Variants in LDB2 observed in about 807,000 individuals in gnomAD.
The protein encoded by LDB2 is LIM domain binding 2, also known as LIM domain-binding protein 2.
LDB2 carries 12 observed loss-of-function variants against 44.3 expected under a neutral mutation model. The ratio of observed to expected loss-of-function variants is 0.27; its 90% CI spans 0.17 to 0.44. The LOEUF (loss-of-function observed/expected upper bound fraction) is 0.44, where lower values mean the gene tolerates loss of function less well. LDB2 is among the 20% of genes least tolerant of loss of function. LDB2 has a pLI of 1.00. For missense variants in LDB2, 344 were observed against 473.5 expected, an observed-to-expected ratio of 0.73 and a Z score of 2.54; for synonymous variants, 164 against 174.8, an observed-to-expected ratio of 0.94 and a Z score of 0.49.
At chr4:16,753,702 C>T (rs1424388999) in intron 2 of LDB2, among the ~76,000 whole-genome samples, 1 of 152,132 alleles carries the variant, frequency 6.6e-6, no homozygotes, top group East Asian at 1.9e-4. Context: ...TGTGTGTGGT[C>T]TCTCTGGAAA....
chr4:16,808,058 C>T (rs1488617990), intron 1 of LDB2, among the ~76,000 whole-genome samples: 1 of 151,920 alleles, frequency 6.6e-6, no homozygotes, highest in Non-Finnish European at 1.5e-5. Flanking sequence ...AGAGAATGTA[C>T]ACCTTTACAC....
At chr4:16,697,434 C>A (rs1320516657) in intron 2 of LDB2, among the ~76,000 whole-genome samples, 1 of 151,846 alleles carries the variant, frequency 6.6e-6, no homozygotes, top group Admixed American at 6.6e-5. Context: ...TGCACTCCAG[C>A]CTGGGCGACA....
chr4:16,844,798 A>T (rs1438020771), intron 1 of LDB2, among the ~76,000 whole-genome samples: 2 of 152,184 alleles, frequency 1.3e-5, no homozygotes, highest in Non-Finnish European at 2.9e-5. Context: ...CCCTGAAAAC[A>T]TTGCTTTTCC....
intron 2 of LDB2, among the ~76,000 whole-genome samples, chr4:16,689,347 C>T (rs529940775): frequency 1.4e-3 from 214 of 152,276 alleles, no homozygotes; most frequent in African/African-American, 4.9e-3. Context: ...AAATTCCTAC[C>T]GATTCCTTAA....
chr4:16,527,815 C>CA (rs1728750115), intron 5 of LDB2, among the ~76,000 whole-genome samples: 1 of 151,112 alleles, frequency 6.6e-6, no homozygotes, highest in Non-Finnish European at 1.5e-5. Context: ...CTCACACACA[C>CA]AAAATGATTA....
intron 2 of LDB2, among the ~76,000 whole-genome samples, chr4:16,606,203 C>T (rs556196535): frequency 5.1e-4 from 78 of 152,244 alleles, no homozygotes; most frequent in African/African-American, 1.8e-3. Flanking sequence ...CAATAATACG[C>T]TTTCAGCTTT....
chr4:16,684,195 T>C (rs893240367), intron 2 of LDB2, among the ~76,000 whole-genome samples: 1 of 152,210 alleles, frequency 6.6e-6, no homozygotes, highest in Non-Finnish European at 1.5e-5. Context: ...AACTTTTACA[T>C]CAGCAACTAA....
chr4:16,716,459 G>T (rs749387261), intron 2 of LDB2, among the ~76,000 whole-genome samples: 11 of 152,210 alleles, frequency 7.2e-5, no homozygotes, highest in Non-Finnish European at 1.3e-4. Context: ...AGGCTCTGAT[G>T]TGGGAGCTAT....
intron 5 of LDB2, among the ~76,000 whole-genome samples, chr4:16,568,533 G>C (rs187436045): frequency 1.3e-5 from 2 of 152,052 alleles, no homozygotes; most frequent in African/African-American, 4.8e-5. Flanking sequence ...AACCCATCCC[G>C]AAACCCATTT....
chr4:16,726,346 A>G (rs914809553), intron 2 of LDB2: 1 of 152,210 alleles, frequency 6.6e-6, no homozygotes, highest in African/African-American at 2.4e-5. Flanking sequence ...TCTGAATACC[A>G]ATGATAAATC....
At chr4:16,829,213 C>T (rs1274559764) in intron 1 of LDB2, among the ~76,000 whole-genome samples, 2 of 152,134 alleles carry the variant, frequency 1.3e-5, no homozygotes, top group African/African-American at 4.8e-5. Flanking sequence ...TGCTCACTGG[C>T]TACCCAGTCA....
intron 2 of LDB2, among the ~76,000 whole-genome samples, chr4:16,754,247 A>C (rs1766043604): frequency 1.3e-5 from 2 of 152,212 alleles, no homozygotes; most frequent in Admixed American, 1.3e-4. Flanking sequence ...TGTTGGGAGC[A>C]GAGCCTAATC....
intron 2 of LDB2, among the ~76,000 whole-genome samples, chr4:16,623,957 A>G (rs1412848793): frequency 6.6e-6 from 1 of 152,192 alleles, no homozygotes; most frequent in Non-Finnish European, 1.5e-5. Flanking sequence ...CAGAGATCCT[A>G]CCACAACTAC....
At chr4:16,810,892 C>T (rs1318664628) in intron 1 of LDB2, among the ~76,000 whole-genome samples, 1 of 152,184 alleles carries the variant, frequency 6.6e-6, no homozygotes, top group Admixed American at 6.5e-5. Context: ...TCAGTTATAG[C>T]AACAGTCCCC....
chr4:16,779,764 G>A (rs1772757733), intron 1 of LDB2, among the ~76,000 whole-genome samples: 2 of 152,182 alleles, frequency 1.3e-5, no homozygotes, highest in Non-Finnish European at 2.9e-5. Flanking sequence ...ATGCAGTGCT[G>A]CTGTCCAAGT....
At chr4:16,851,743 TA>T (rs36037309) in intron 1 of LDB2, among the ~76,000 whole-genome samples, 20,008 of 152,140 alleles carry the variant, frequency 0.13, 1,440 homozygotes, top group Middle Eastern at 0.2. Flanking sequence ...CAAACTGTCT[TA>T]AGAGCAAACA....
At chr4:16,542,150 A>G (rs1015845625) in intron 5 of LDB2, among the ~76,000 whole-genome samples, 4 of 150,078 alleles carry the variant, frequency 2.7e-5, no homozygotes, top group Non-Finnish European at 5.9e-5. Context: ...GTACCCTAGA[A>G]GGCAGCCTCA....
intron 2 of LDB2, among the ~76,000 whole-genome samples, chr4:16,744,199 C>G (rs1425267502): frequency 6.6e-6 from 1 of 152,240 alleles, no homozygotes; most frequent in Non-Finnish European, 1.5e-5. Context: ...CTCTGTCACC[C>G]AGGCTGGAGT....
At chr4:16,673,707 G>A (rs1745509249) in intron 2 of LDB2, among the ~76,000 whole-genome samples, 1 of 152,116 alleles carries the variant, frequency 6.6e-6, no homozygotes, top group African/African-American at 2.4e-5. Flanking sequence ...AATTGATGGG[G>A]TGCTACTGGC....
Sources: allele counts gnomAD v4.1 joint callset (sites outside exome capture counted in the v4.1 genomes callset), GRCh38; gene constraint gnomAD v4.1.1; transcripts MANE v1.5; gene names NCBI Gene and HGNC (gene_info 2026-07-23, HGNC 2026-07-21).